The following NSUN6 variants were observed in gnomAD, a reference collection of about 807,000 sequenced individuals.
NSUN6 encodes tRNA (cytosine(72)-C(5))-methyltransferase NSUN6.
NSUN6 carries 64 observed loss-of-function variants against 58.0 expected under a neutral mutation model. The ratio of observed to expected loss-of-function variants is 1.10; its 90% CI spans 0.90 to 1.36. The LOEUF is 1.36. Ranked by LOEUF, NSUN6 falls within the 40% of genes most tolerant of loss-of-function variation. The probability of loss-of-function intolerance (pLI) is 0.00; values close to 1 mark genes in which losing one functional copy is unlikely to be tolerated. For synonymous variants in NSUN6, 231 were observed against 193.9 expected (o/e 1.19, Z -1.59); for missense variants, 701 against 550.1 (o/e 1.27, Z -2.74).
intron 9 of NSUN6, among the ~76,000 whole-genome samples, chr10:18,549,677 G>A (rs1316118341): frequency 1.3e-5 from 2 of 152,088 alleles, no homozygotes; most frequent in Non-Finnish European, 2.9e-5. Context: ...AATTAATCAG[G>A]AGATAAGGTA....
intron 6 of NSUN6, 51 bp from the exon 7 acceptor site, chr10:18,596,378 A>T (rs957977276): frequency 7.7e-7 from 1 of 1,302,286 alleles, no homozygotes. Flanking sequence ...AGCATTTTTA[A>T]TTTGAGAACC....
chr10:18,635,629 G>T (rs1303896691), intron 3 of NSUN6, among the ~76,000 whole-genome samples: 1 of 151,970 alleles, frequency 6.6e-6, no homozygotes, highest in African/African-American at 2.4e-5. Flanking sequence ...CTGAGTTCAG[G>T]ATTTCGAAGA....
At chr10:18,555,036 G>GA (rs2054884115) in intron 8 of NSUN6, among the ~76,000 whole-genome samples, 1 of 149,836 alleles carries the variant, frequency 6.7e-6, no homozygotes, top group Admixed American at 6.7e-5. Flanking sequence ...GAGTGGAATG[G>GA]AGAATGGAAT....
intron 8 of NSUN6, among the ~76,000 whole-genome samples, chr10:18,558,717 T>G: frequency 7.3e-6 from 1 of 137,546 alleles, no homozygotes; most frequent in South Asian, 2.3e-4. Flanking sequence ...GAATTGAAAG[T>G]GGAATGAAAT....
intron 9 of NSUN6, 130 bp from the exon 10 acceptor site, chr10:18,548,367 T>A: frequency 1.3e-6 from 1 of 757,502 alleles, no homozygotes; most frequent in Non-Finnish European, 2.0e-6. Flanking sequence ...GTGACAAGGA[T>A]TCCTTCTGTA....
intron 8 of NSUN6, among the ~76,000 whole-genome samples, chr10:18,557,304 T>A (rs1206923511): frequency 6.7e-6 from 1 of 149,372 alleles, no homozygotes; most frequent in Non-Finnish European, 1.5e-5. Flanking sequence ...TGGAAGAGAA[T>A]CGAATGGCGA....
At chr10:18,573,893 T>C (rs953630308) in intron 8 of NSUN6, among the ~76,000 whole-genome samples, 1 of 152,140 alleles carries the variant, frequency 6.6e-6, no homozygotes, top group South Asian at 2.1e-4. Context: ...CTGCCACTTA[T>C]GGATTGACTC....
intron 2 of NSUN6, among the ~76,000 whole-genome samples, chr10:18,646,334 TA>T (rs771751190): frequency 6.6e-6 from 1 of 152,174 alleles, no homozygotes; most frequent in Non-Finnish European, 1.5e-5. Flanking sequence ...ATCCACAGCC[TA>T]AAACCTCCTC....
rs1215942014 is a variant in NSUN6, at chr10:18,546,030, G to A, written c.1313C>T (p.Ser438Phe). The change falls in exon 11 of 11, where the codon TCT becomes TTT. Residue 438 changes from serine to phenylalanine, a missense_variant. Coordinates refer to ENST00000377304, the MANE Select transcript of NSUN6 (RefSeq NM_182543.5). ...GTCTTCTCTTCTGGCCTCTCTAAGAGAGTCCATGTCAGTGTCCGGTAATGG... is the reference window on the plus strand; with the variant it reads ...GTCTTCTCTTCTGGCCTCTCTAAGAAAGTCCATGTCAGTGTCCGGTAATGG... ...AVPLPDTDMD[S>F]LREARREDML... is the part of the protein sequence containing the mutation. 2 of 1,597,486 alleles carry A rather than the reference G, an allele frequency of 1.3e-6. No individual in the cohort carries two copies. Among genetic ancestry groups the A allele is most frequent in the Non-Finnish European group, 8.5e-7 (1 of 1,174,564 alleles).
At chr10:18,584,772 T>A (rs920490884) in intron 8 of NSUN6, among the ~76,000 whole-genome samples, 4 of 151,726 alleles carry the variant, frequency 2.6e-5, no homozygotes, top group Admixed American at 6.6e-5. Flanking sequence ...GAGAAAATGT[T>A]AAAGGAAGCA....
chr10:18,651,065 T>C, intron 1 of NSUN6, 64 bp downstream of exon 1: 1 of 1,563,402 alleles, frequency 6.4e-7, no homozygotes, highest in Non-Finnish European at 8.6e-7. Context: ...TATTTCTATT[T>C]CTCTCGAGTG....
chr10:18,651,131 CCTT>C lies in NSUN6; in HGVS notation c.70_72del (p.Lys24del). ...ACTAACATCTTTACTTGACCTACCT[CCTT>C]ATTCATAAAGCCTTCCTTAAGATAG... On this transcript the variant is annotated inframe_deletion, in exon 1 of 11. Transcript: ENST00000377304. The C allele has an allele frequency of 6.4e-7, 1 of 1,572,586 alleles. No individual in the cohort carries two copies. Among genetic ancestry groups the C allele is most frequent in the Non-Finnish European group, 8.6e-7 (1 of 1,168,454 alleles).
chr10:18,655,110 T>C, upstream of NSUN6: 1 of 981,924 alleles, frequency 1.0e-6, no homozygotes. Context: ...TCTCTGAAAA[T>C]CCAGCAGTCC....
intron 6 of NSUN6, among the ~76,000 whole-genome samples, chr10:18,606,102 T>C (rs2058039369): frequency 6.6e-6 from 1 of 152,202 alleles, no homozygotes; most frequent in Non-Finnish European, 1.5e-5. Context: ...TTGGTCATTA[T>C]GTTAGAAAAA....
At chr10:18,597,750 GA>G (rs2057649211) in intron 6 of NSUN6, among the ~76,000 whole-genome samples, 1 of 152,090 alleles carries the variant, frequency 6.6e-6, no homozygotes, top group African/African-American at 2.4e-5. Flanking sequence ...TGGGCAATAA[GA>G]GCGAAACTCC....
chr10:18,600,944 A>ACATATATATATATACATATATATATATG (rs2057791228), intron 6 of NSUN6, among the ~76,000 whole-genome samples: 1 of 68,824 alleles, frequency 1.5e-5, no homozygotes, highest in Non-Finnish European at 2.8e-5. Context: ...AAAAAAAAAT[A>ACATATATATATATACATATATATATATG]TATATATATA....
At chr10:18,633,098 C>T (rs2059094034) in intron 3 of NSUN6, among the ~76,000 whole-genome samples, 1 of 151,842 alleles carries the variant, frequency 6.6e-6, no homozygotes, top group Non-Finnish European at 1.5e-5. Flanking sequence ...GAGTTCGTGT[C>T]CTTTGTAGGG....
intron 7 of NSUN6, among the ~76,000 whole-genome samples, chr10:18,594,593 C>T (rs993067710): frequency 2.0e-5 from 3 of 152,066 alleles, no homozygotes; most frequent in Non-Finnish European, 1.5e-5. Flanking sequence ...GGACTACAGG[C>T]ACACGCCACC....
At chr10:18,630,215 A>G (rs1458830000) in intron 3 of NSUN6, among the ~76,000 whole-genome samples, 8 of 149,062 alleles carry the variant, frequency 5.4e-5, no homozygotes, top group Non-Finnish European at 7.4e-5. Flanking sequence ...ACGAGAACAA[A>G]GACACAACAT....
Sources: allele counts gnomAD v4.1 joint callset (sites outside exome capture counted in the v4.1 genomes callset), GRCh38; gene constraint gnomAD v4.1.1; transcripts MANE v1.5; gene names NCBI Gene and HGNC (gene_info 2026-07-23, HGNC 2026-07-21).